The following DLGAP2 variants were observed in gnomAD, a reference collection of about 807,000 sequenced individuals.
DLGAP2 encodes the protein DLG associated protein 2.
Under a neutral mutation model 100.3 loss-of-function variants are expected in DLGAP2, and 26 were observed. The observed-to-expected ratio is 0.26, with a 90% CI of 0.19 to 0.36. The LOEUF is 0.36. Ranked by LOEUF, DLGAP2 falls within the 10% of genes least tolerant of loss-of-function variation. DLGAP2 has a pLI of 1.00. For synonymous variants in DLGAP2, 886 were observed against 630.1 expected (o/e 1.41, Z -6.08); for missense variants, 1,858 against 1,453.2 (o/e 1.28, Z -4.53).
intron 3 of DLGAP2, among the ~76,000 whole-genome samples, chr8:1,366,726 A>G (rs1030927432): frequency 6.6e-6 from 1 of 152,158 alleles, no homozygotes; most frequent in Non-Finnish European, 1.5e-5. Flanking sequence ...GCACCCCACA[A>G]GGATGGAGAG....
At chr8:1,557,429 G>A (rs977349652) in intron 5 of DLGAP2, among the ~76,000 whole-genome samples, 3 of 152,152 alleles carry the variant, frequency 2.0e-5, no homozygotes, top group Non-Finnish European at 2.9e-5. Flanking sequence ...TGGTGGCTGA[G>A]GGGTGAGGAC....
intron 2 of DLGAP2, among the ~76,000 whole-genome samples, chr8:1,237,557 G>A (rs1367112072): frequency 1.9e-4 from 26 of 138,346 alleles, no homozygotes; most frequent in South Asian, 4.8e-4. Context: ...ACATGGCGCC[G>A]TGTCTAGTTC....
intron 5 of DLGAP2, among the ~76,000 whole-genome samples, chr8:1,561,875 T>G (rs1293594538): frequency 2.8e-5 from 1 of 35,418 alleles, no homozygotes; most frequent in Non-Finnish European, 5.2e-5. Context: ...TGTGTGGTGT[T>G]GGGTGTCCGC....
intron 8 of DLGAP2, among the ~76,000 whole-genome samples, chr8:1,639,296 C>G (rs1167437353): frequency 1.3e-5 from 2 of 152,156 alleles, no homozygotes; most frequent in African/African-American, 4.8e-5. Flanking sequence ...AGGTGGGAGC[C>G]AGGAGGGATG....
chr8:779,112 G>A (rs912706086), intron 1 of DLGAP2, among the ~76,000 whole-genome samples: 4 of 152,224 alleles, frequency 2.6e-5, no homozygotes, highest in African/African-American at 7.2e-5. Context: ...TCCAGGTGCC[G>A]TCCGTCACCC....
At chr8:1,476,413 C>T (rs1339355247) in intron 3 of DLGAP2, among the ~76,000 whole-genome samples, 1 of 151,908 alleles carries the variant, frequency 6.6e-6, no homozygotes, top group Non-Finnish European at 1.5e-5. Flanking sequence ...CTTTCTTCCC[C>T]TCTACACTCC....
intron 3 of DLGAP2, among the ~76,000 whole-genome samples, chr8:1,478,090 G>A (rs62485590): frequency 2.4e-4 from 36 of 152,202 alleles, no homozygotes; most frequent in Admixed American, 1.4e-3. Context: ...CCCATTTGCC[G>A]TCTTGCTCAT....
Position 899,426 on chromosome 8 carries a change from C to G in DLGAP2, c.19-8486C>G, listed in dbSNP as rs190208495. On this transcript the variant is annotated intron_variant, in intron 1 of 14. Transcript: ENST00000637795. ...GTGTGACTCCTTAGAGCTGGCAAGA[C>G]CCAGGATACCGGCCCTGCATGCAGA... 4.9e-3 allele frequency among the ~76,000 whole-genome samples: 742 copies of G among 152,304 alleles called. 3 individuals are homozygous for G. The highest frequency in any genetic ancestry group is 6.9e-3 in the Non-Finnish European group (471 of 68,022).
At chr8:1,581,496 A>G (rs1449235230) in intron 6 of DLGAP2, among the ~76,000 whole-genome samples, 3 of 151,274 alleles carry the variant, frequency 2.0e-5, no homozygotes, top group Non-Finnish European at 4.4e-5. Context: ...CAGTCAAACT[A>G]CCAGAAGTGA....
rs185433553 is a variant in DLGAP2 at position 1,587,000 on chromosome 8, A to G, written c.1442+21106A>G. On this transcript the variant is annotated intron_variant, in intron 6 of 14. Coordinates refer to ENST00000637795, the MANE Select transcript of DLGAP2 (RefSeq NM_001346810.2). ...TTCTAATGGGCTGATTATACCCATA[A>G]TCTATGCATAGTTTAACCCCTGCCT... 1.7e-3 allele frequency among the ~76,000 whole-genome samples: 265 copies of G among 152,296 alleles called. 3 individuals are homozygous for G. In the Middle Eastern group the frequency reaches 0.048, roughly 27 times the overall value.
chr8:1,670,306 C>G (rs889505622), intron 10 of DLGAP2, among the ~76,000 whole-genome samples: 1 of 152,236 alleles, frequency 6.6e-6, no homozygotes, highest in Non-Finnish European at 1.5e-5. Flanking sequence ...CCGCCGCTTC[C>G]TGCCCCGCCC....
intron 2 of DLGAP2, among the ~76,000 whole-genome samples, chr8:1,043,964 A>G (rs1324189868): frequency 6.6e-6 from 1 of 152,078 alleles, no homozygotes; most frequent in Non-Finnish European, 1.5e-5. Context: ...TTTCTGGGTT[A>G]GAGACTTTGC....
chr8:1,115,135 C>T (rs1805077536), intron 2 of DLGAP2, among the ~76,000 whole-genome samples: 1 of 152,136 alleles, frequency 6.6e-6, no homozygotes, highest in Non-Finnish European at 1.5e-5. Flanking sequence ...AGAGTGTGTG[C>T]CATGTGGCAA....
intron 3 of DLGAP2, among the ~76,000 whole-genome samples, chr8:1,408,535 A>G: frequency 6.6e-6 from 1 of 152,182 alleles, no homozygotes; most frequent in Non-Finnish European, 1.5e-5. Context: ...GCTGCTCTCC[A>G]CTGGGACTCC....
chr8:744,722 G>A (rs1422389464), intron 1 of DLGAP2, among the ~76,000 whole-genome samples: 2 of 152,108 alleles, frequency 1.3e-5, no homozygotes, highest in Non-Finnish European at 2.9e-5. Context: ...TGCTTCCCAC[G>A]GTCACTCCCT....
chr8:1,226,375 AAAC>A (rs1228689198), intron 2 of DLGAP2, among the ~76,000 whole-genome samples: 3 of 152,218 alleles, frequency 2.0e-5, no homozygotes, highest in Non-Finnish European at 4.4e-5. Context: ...CAGGAAAAGA[AAAC>A]AAAACACTAC....
chr8:1,435,568 A>C (rs1290521820), intron 3 of DLGAP2, among the ~76,000 whole-genome samples: 1 of 152,124 alleles, frequency 6.6e-6, no homozygotes, highest in Non-Finnish European at 1.5e-5. Flanking sequence ...TGGTGCTGAC[A>C]GACGACCATG....
intron 3 of DLGAP2, among the ~76,000 whole-genome samples, chr8:1,344,128 G>GTAAGTCCGTGTAC (rs1801489842): frequency 2.8e-5 from 3 of 108,018 alleles, no homozygotes; most frequent in East Asian, 3.1e-4. Flanking sequence ...GGGCCCTGTC[G>GTAAGTCCGTGTAC]TGGGTCCGTG....
rs17754991 is a variant in DLGAP2, at chr8:1,479,697, G to A, written c.107-21669G>A. Among the ~76,000 whole-genome samples the A allele has an allele frequency of 9.0e-3, 1,368 of 152,192 alleles. 65 individuals carry two copies. The highest frequency in any genetic ancestry group is 0.072 in the Admixed American group (1,106 of 15,292). The stretch of plus-strand genomic sequence containing the variant: ...TATTATGCAAAGGGGTTGGCCAACC[G>A]TAAGATGAAGAAAATAGTTGATTTC... On this transcript the variant is annotated intron_variant, in intron 3 of 14. Coordinates refer to ENST00000637795, the MANE Select transcript of DLGAP2 (RefSeq NM_001346810.2).
Sources: gnomAD v4.1 joint callset for allele counts (sites outside exome capture counted in the v4.1 genomes callset) on GRCh38, gnomAD v4.1.1 for gene constraint, MANE v1.5 for transcripts, NCBI Gene and HGNC (gene_info 2026-07-23, HGNC 2026-07-21) for gene names.